ANKFY1: variants seen among roughly 807,000 people sequenced by gnomAD.
ANKFY1 encodes the protein ankyrin repeat and FYVE domain containing 1, also known as ankyrin repeat and FYVE domain-containing protein 1.
Under a neutral mutation model 128.3 loss-of-function variants are expected in ANKFY1, and 47 were observed. The observed-to-expected ratio is 0.37, with a 90% confidence interval of 0.29 to 0.47. The LOEUF is 0.47. Among genes scored for constraint, ANKFY1 ranks in the 20% least tolerant of loss-of-function variants. The pLI is 1.00. For synonymous variants in ANKFY1, 553 were observed against 601.6 expected, an observed-to-expected ratio of 0.92 and a Z score of 1.18; for missense variants, 1,222 against 1,510.6, an observed-to-expected ratio of 0.81 and a Z score of 3.17.
intron 1 of ANKFY1, among the ~76,000 whole-genome samples, chr17:4,251,441 C>T (rs1361516471): frequency 6.6e-6 from 1 of 151,540 alleles, no homozygotes; most frequent in Non-Finnish European, 1.5e-5. Context: ...CCCCATCTTC[C>T]TGTCTCTTTA....
At chr17:4,198,815 T>G (rs2059875507) in intron 7 of ANKFY1, among the ~76,000 whole-genome samples, 1 of 152,238 alleles carries the variant, frequency 6.6e-6, no homozygotes, top group Non-Finnish European at 1.5e-5. Flanking sequence ...AAACAAAATT[T>G]CTTTCTAAAT....
chr17:4,203,777 T>C (rs1235840448), intron 7 of ANKFY1, among the ~76,000 whole-genome samples: 2 of 138,016 alleles, frequency 1.4e-5, no homozygotes, highest in Admixed American at 8.3e-5. Flanking sequence ...ACCGAGCCAT[T>C]GCACTCCAGC....
Position 4,263,831 on chromosome 17 carries a change from T to C in ANKFY1, c.10+101A>G, listed in dbSNP as rs535219703. The C allele has an allele frequency of 3.1e-6, 5 of 1,610,472 alleles. No individual in the cohort carries two copies. In the African/African-American group the frequency reaches 5.3e-5, roughly 17 times the overall value. The stretch of plus-strand genomic sequence containing the variant: ...GCTCGCGAGACCCGCGGAGCCCCCA[T>C]GCAACCACGCCCGGCCTTCCCCTCC... On this transcript the variant is annotated intron_variant, in intron 1 of 24. Coordinates refer to ENST00000341657, the MANE Select transcript of ANKFY1 (RefSeq NM_001330063.2).
rs2059512758 is a variant in ANKFY1 at position 4,181,328 on chromosome 17, A to G, written c.2166T>C (p.Gly722=). 2 of 1,614,188 alleles carry G rather than the reference A, an allele frequency of 1.2e-6. No individual in the cohort carries two copies. The highest frequency in any genetic ancestry group is 4.5e-5 in the East Asian group (2 of 44,884). ...CDATCWGPGP[G]GCLQTLLHRA... ...TGTGCAGGAGCGTCTGAAGGCACCC[A>G]CCAGGTCCCGGACCCCAGCATGTGG... The change falls in exon 16 of 25, where the codon GGT becomes GGC. Residue 722 remains glycine, a synonymous_variant. Transcript: ENST00000341657. The surrounding 1 kb of genome is among the most constrained non-coding windows in gnomAD (Gnocchi z 4.9).
intron 21 of ANKFY1, among the ~76,000 whole-genome samples, 168 bp from the exon 22 acceptor site, chr17:4,172,848 T>C (rs1049699526): frequency 1.3e-5 from 2 of 152,250 alleles, no homozygotes; most frequent in African/African-American, 4.8e-5. Flanking sequence ...CCTAAGTGCA[T>C]GCATAACAAA....
intron 10 of ANKFY1, among the ~76,000 whole-genome samples, chr17:4,191,601 A>G (rs538411589): frequency 5.4e-4 from 73 of 135,930 alleles, no homozygotes; most frequent in Admixed American, 1.8e-3. Context: ...GTTGATGGTT[A>G]CTCTAATCTG....
chr17:4,263,918 C>A lies in ANKFY1; in HGVS notation c.10+14G>T. On this transcript the variant is annotated intron_variant, in intron 1 of 24. Transcript: ENST00000341657. The stretch of plus-strand genomic sequence containing the variant: ...CTCCGTGTCTTCCCGCGCGGCTCCA[C>A]AAAAAAACCCTACCTTCCGCCATGT... The A allele has an allele frequency of 1.2e-6, 2 of 1,613,884 alleles. No homozygotes were observed. The highest frequency in any genetic ancestry group is 2.2e-5 in the South Asian group (2 of 91,086).
At chr17:4,205,263 A>G (rs574762152) in intron 7 of ANKFY1, among the ~76,000 whole-genome samples, 5 of 152,326 alleles carry the variant, frequency 3.3e-5, no homozygotes, top group Middle Eastern at 3.4e-3. Context: ...ACGCTTTGAC[A>G]CTTTGGAAAG....
chr17:4,177,404 A>C, intron 18 of ANKFY1, 102 bp from the exon 19 acceptor site: 1 of 1,065,390 alleles, frequency 9.4e-7, no homozygotes, highest in Non-Finnish European at 1.3e-6. Flanking sequence ...CACGATGGAG[A>C]CCTTCCCTCA....
At chr17:4,257,355 T>C (rs1332152971) in intron 1 of ANKFY1, among the ~76,000 whole-genome samples, 1 of 146,492 alleles carries the variant, frequency 6.8e-6, no homozygotes, top group Non-Finnish European at 1.6e-5. Context: ...ATTCCTGTTC[T>C]GTCGCTACCG....
At chr17:4,168,061 A>G (rs2059243237) in intron 24 of ANKFY1, 150 bp from the exon 25 acceptor site, 1 of 769,752 alleles carries the variant, frequency 1.3e-6, no homozygotes, top group Non-Finnish European at 2.0e-6. Context: ...GGTTACCACA[A>G]TTCATGTAGA....
At chr17:4,193,914 C>T (rs1419631434) in intron 10 of ANKFY1, among the ~76,000 whole-genome samples, 1 of 150,596 alleles carries the variant, frequency 6.6e-6, no homozygotes, top group Non-Finnish European at 1.5e-5. Flanking sequence ...GCGTGGCCAC[C>T]AGCCCAGCTA....
intron 3 of ANKFY1, chr17:4,223,943 A>G: frequency 3.5e-6 from 2 of 566,264 alleles, no homozygotes; most frequent in Middle Eastern, 4.4e-4. Flanking sequence ...TGCCTCAGCA[A>G]TGCTTTAGAA....
chr17:4,217,799 C>T (rs765084322), intron 3 of ANKFY1, among the ~76,000 whole-genome samples: 1 of 152,090 alleles, frequency 6.6e-6, no homozygotes, highest in Non-Finnish European at 1.5e-5. Context: ...GGTCCTTACA[C>T]CTCAGCCTCC....
intron 4 of ANKFY1, among the ~76,000 whole-genome samples, chr17:4,212,780 T>C (rs949585605): frequency 6.6e-6 from 1 of 151,290 alleles, no homozygotes; most frequent in Non-Finnish European, 1.5e-5. Flanking sequence ...CTTTTTTTTT[T>C]TTTTTTTTTG....
intron 1 of ANKFY1, 73 bp downstream of exon 1, chr17:4,263,859 C>G: frequency 6.2e-7 from 1 of 1,612,858 alleles, no homozygotes; most frequent in South Asian, 1.1e-5. Context: ...TCCCCTCCCA[C>G]GGCAGCTTCG....
intron 1 of ANKFY1, among the ~76,000 whole-genome samples, chr17:4,257,693 A>G (rs1196733026): frequency 1.3e-5 from 2 of 152,228 alleles, no homozygotes; most frequent in African/African-American, 2.4e-5. Flanking sequence ...CTTAAAATAT[A>G]GTTTCTCATA....
chr17:4,173,877 G>A (rs765598625), intron 20 of ANKFY1, 32 bp downstream of exon 20: 319 of 1,600,892 alleles, frequency 2.0e-4, no homozygotes, highest in Non-Finnish European at 2.5e-4. Flanking sequence ...TGGAGGGATC[G>A]TTCAAGCCAC....
intron 2 of ANKFY1, among the ~76,000 whole-genome samples, chr17:4,239,232 A>G (rs1967074338): frequency 1.3e-5 from 2 of 152,236 alleles, no homozygotes; most frequent in South Asian, 4.1e-4. Flanking sequence ...AGTAATTGAG[A>G]AACTAAATGA....
Sources: gnomAD v4.1 joint callset for allele counts (sites outside exome capture counted in the v4.1 genomes callset) on GRCh38, gnomAD v4.1.1 for gene constraint, Gnocchi (gnomAD v3.1) non-coding constraint, MANE v1.5 for transcripts, NCBI Gene and HGNC (gene_info 2026-07-23, HGNC 2026-07-21) for gene names.